TMTC2: variants seen among roughly 807,000 people sequenced by gnomAD.
TMTC2 encodes transmembrane O-mannosyltransferase targeting cadherins 2.
Under a neutral mutation model 82.4 loss-of-function variants are expected in TMTC2, and 43 were observed. That is an observed-to-expected ratio of 0.52 (90% CI 0.41 to 0.67). The LOEUF is 0.67. Among genes scored for constraint, TMTC2 ranks in the 30% least tolerant of loss-of-function variants. The pLI, the probability that TMTC2 is intolerant of heterozygous loss-of-function variation, is 0.00. For missense variants in TMTC2, 919 were observed against 1,012.4 expected (o/e 0.91, Z 1.25); for synonymous variants, 408 against 381.9 (o/e 1.07, Z -0.80).
Position 83,111,926 on chromosome 12 carries a change from T to A in TMTC2, c.2332-20284T>A, listed in dbSNP as rs1592500051. ...AATGCTCCTTCAAGCCTGGGCAACA[T>A]GGCAAAACCTCGTCTCTACAAAAAA... On this transcript the variant is annotated intron_variant, in intron 11 of 11. Transcript: ENST00000321196. 2.0e-5 allele frequency among the ~76,000 whole-genome samples: 3 copies of A among 150,482 alleles called. No individual in the cohort carries two copies. In the South Asian group the frequency reaches 6.3e-4, roughly 32 times the overall value.
Position 82,931,233 on chromosome 12 carries a change from C to T in TMTC2, c.1598+688C>T, listed in dbSNP as rs542301798. On this transcript the variant is annotated intron_variant, in intron 4 of 11. Transcript: ENST00000321196. ...CTTGATTATTAATGATAGATTTTGT[C>T]TTCCATTAAAAAAAAAATTGCTGTA... Among the ~76,000 whole-genome samples, 12 of 149,532 alleles carry T rather than the reference C, an allele frequency of 8.0e-5. No individual in the cohort carries two copies. In the South Asian group the frequency reaches 2.1e-3, roughly 26 times the overall value.
chr12:83,047,137 G>A (rs1439728236), intron 9 of TMTC2, among the ~76,000 whole-genome samples: 1 of 152,186 alleles, frequency 6.6e-6, no homozygotes, highest in Non-Finnish European at 1.5e-5. Flanking sequence ...AAGATGGGAA[G>A]CAGTAGGTTC....
At chr12:82,883,933 T>G (rs1473505058) in intron 2 of TMTC2, among the ~76,000 whole-genome samples, 1 of 152,202 alleles carries the variant, frequency 6.6e-6, no homozygotes, top group Non-Finnish European at 1.5e-5. Flanking sequence ...TTTCTTCACA[T>G]ATTTTCTTCA....
At chr12:83,004,007 T>C (rs1880037785) in intron 8 of TMTC2, among the ~76,000 whole-genome samples, 1 of 152,194 alleles carries the variant, frequency 6.6e-6, no homozygotes, top group South Asian at 2.1e-4. Context: ...GGAATGCCAG[T>C]GAATTGCAGT....
intron 4 of TMTC2, among the ~76,000 whole-genome samples, chr12:82,931,346 A>T (rs1446160737): frequency 6.6e-6 from 1 of 152,098 alleles, no homozygotes; most frequent in Non-Finnish European, 1.5e-5. Flanking sequence ...ATAGGCACTG[A>T]TGATTATCAG....
chr12:82,980,835 A>T (rs1322877547), intron 7 of TMTC2, among the ~76,000 whole-genome samples: 1 of 151,866 alleles, frequency 6.6e-6, no homozygotes, highest in African/African-American at 2.4e-5. Context: ...CACTCACTTA[A>T]TATTTTTCTT....
chr12:82,839,332 C>T (rs534654275), intron 1 of TMTC2, among the ~76,000 whole-genome samples: 1 of 152,146 alleles, frequency 6.6e-6, no homozygotes, highest in Non-Finnish European at 1.5e-5. Context: ...TCTATCTATT[C>T]TGAGTAGAGT....
At chr12:82,900,854 A>C (rs1374180032) in intron 3 of TMTC2, among the ~76,000 whole-genome samples, 1 of 132,064 alleles carries the variant, frequency 7.6e-6, no homozygotes, top group Non-Finnish European at 1.6e-5. Context: ...AGGAATATAT[A>C]TACCTGGAAT....
intron 11 of TMTC2, among the ~76,000 whole-genome samples, chr12:83,116,657 G>A (rs931401010): frequency 3.9e-5 from 6 of 152,146 alleles, no homozygotes; most frequent in African/African-American, 1.4e-4. Flanking sequence ...ATCTCATTGT[G>A]GCTTTGATTT....
At chr12:82,852,726 G>A (rs1167187749) in intron 1 of TMTC2, among the ~76,000 whole-genome samples, 1 of 152,142 alleles carries the variant, frequency 6.6e-6, no homozygotes, top group Non-Finnish European at 1.5e-5. Flanking sequence ...TTATGCTTAG[G>A]TTTGAATGAC....
intron 2 of TMTC2, among the ~76,000 whole-genome samples, chr12:82,862,092 A>G (rs1299858559): frequency 2.0e-5 from 3 of 152,160 alleles, no homozygotes; most frequent in Admixed American, 6.5e-5. Context: ...TCACTAAATG[A>G]TTGTTTTAGC....
At chr12:82,951,401 C>T (rs1877338423) in intron 4 of TMTC2, among the ~76,000 whole-genome samples, 2 of 152,200 alleles carry the variant, frequency 1.3e-5, no homozygotes, top group Non-Finnish European at 1.5e-5. Context: ...AGCAGTTCTC[C>T]TGCCTCAGCC....
intron 4 of TMTC2, among the ~76,000 whole-genome samples, chr12:82,960,751 A>G (rs1877886469): frequency 6.6e-6 from 1 of 151,970 alleles, no homozygotes; most frequent in South Asian, 2.1e-4. Flanking sequence ...CAATATATAC[A>G]TGTAAGAAAC....
At chr12:82,730,061 C>T (rs970950159) in intron 1 of TMTC2, among the ~76,000 whole-genome samples, 6 of 152,120 alleles carry the variant, frequency 3.9e-5, no homozygotes, top group Non-Finnish European at 7.4e-5. Context: ...GAACAAACTC[C>T]GGACACGCTG....
chr12:82,859,591 T>C (rs1871430414), intron 2 of TMTC2, among the ~76,000 whole-genome samples: 1 of 152,228 alleles, frequency 6.6e-6, no homozygotes, highest in Admixed American at 6.5e-5. Context: ...AATCTTTGTT[T>C]CTCTGAAATT....
At chr12:83,038,445 G>A (rs1881756422) in intron 9 of TMTC2, among the ~76,000 whole-genome samples, 2 of 152,098 alleles carry the variant, frequency 1.3e-5, no homozygotes, top group South Asian at 4.1e-4. Context: ...AGGAAATAAA[G>A]TTTTTTTAAT....
chr12:83,011,379 G>A (rs1281718098), intron 8 of TMTC2, among the ~76,000 whole-genome samples: 2 of 152,074 alleles, frequency 1.3e-5, no homozygotes, highest in East Asian at 3.9e-4. Flanking sequence ...GCATTTTCTT[G>A]TTGAGCAGTT....
At chr12:83,103,364 A>C (rs112401983) in intron 11 of TMTC2, among the ~76,000 whole-genome samples, 8,340 of 152,266 alleles carry the variant, frequency 0.055, 336 homozygotes, top group East Asian at 0.22. Context: ...TTTATAAAGA[A>C]AAGAGGTTTA....
intron 1 of TMTC2, among the ~76,000 whole-genome samples, chr12:82,735,416 G>A (rs1467449094): frequency 6.6e-6 from 1 of 151,430 alleles, no homozygotes; most frequent in Admixed American, 6.6e-5. Context: ...CGCGATCTCG[G>A]CTCACTGCAA....
Sources: allele counts gnomAD v4.1 joint callset (sites outside exome capture counted in the v4.1 genomes callset), GRCh38; gene constraint gnomAD v4.1.1; transcripts MANE v1.5; gene names NCBI Gene and HGNC (gene_info 2026-07-23, HGNC 2026-07-21).